The following RANBP2 variants were observed in gnomAD, a reference collection of about 807,000 sequenced individuals.
RANBP2 encodes RAN binding protein 2.
Under a neutral mutation model 303.6 loss-of-function variants are expected in RANBP2, and 57 were observed. The ratio of observed to expected loss-of-function variants is 0.19; its 90% CI spans 0.15 to 0.23. The LOEUF (loss-of-function observed/expected upper bound fraction) is 0.23, where lower values mean the gene tolerates loss of function less well. Ranked by LOEUF, RANBP2 falls within the 10% of genes least tolerant of loss-of-function variation. The probability of loss-of-function intolerance (pLI) is 1.00; values close to 1 mark genes in which losing one functional copy is unlikely to be tolerated. For synonymous variants in RANBP2, 1,167 were observed against 1,301.5 expected (o/e 0.90, Z 2.23); for missense variants, 3,138 against 3,780.8 (o/e 0.83, Z 4.46).
chr2:109,320,253 G>C, the RANBP2 span, among the ~76,000 whole-genome samples: 4 of 152,194 alleles, frequency 2.6e-5, no homozygotes, highest in African/African-American at 9.6e-5. Flanking sequence ...GGGCAGAGGA[G>C]GGCGGTGGGA....
chr2:109,689,720 C>T, the RANBP2 span, among the ~76,000 whole-genome samples: 1 of 152,140 alleles, frequency 6.6e-6, no homozygotes, highest in Non-Finnish European at 1.5e-5. Context: ...CTCATCTCTG[C>T]TCAATTTCTA....
At chr2:109,238,227 T>G in the RANBP2 span, among the ~76,000 whole-genome samples, 1 of 151,980 alleles carries the variant, frequency 6.6e-6, no homozygotes, top group African/African-American at 2.4e-5. Context: ...ATAAAATGGT[T>G]TTTATGAAGA....
At chr2:108,927,608 C>T in the RANBP2 span, among the ~76,000 whole-genome samples, 14 of 152,138 alleles carry the variant, frequency 9.2e-5, no homozygotes, top group Non-Finnish European at 1.6e-4. Flanking sequence ...GGTGCACCCA[C>T]CCTCTCCCTG....
chr2:109,254,707 T>C, the RANBP2 span, among the ~76,000 whole-genome samples: 1 of 152,172 alleles, frequency 6.6e-6, no homozygotes, highest in Non-Finnish European at 1.5e-5. Context: ...GGTTGTCTCT[T>C]TCTGTGCCAG....
chr2:109,290,651 CCT>C, the RANBP2 span, among the ~76,000 whole-genome samples: 1 of 152,210 alleles, frequency 6.6e-6, no homozygotes, highest in African/African-American at 2.4e-5. Context: ...GCCCTCCCTC[CCT>C]GTTGTATCCA....
At chr2:109,288,000 A>G in the RANBP2 span, among the ~76,000 whole-genome samples, 8 of 151,302 alleles carry the variant, frequency 5.3e-5, no homozygotes, top group Non-Finnish European at 1.0e-4. Flanking sequence ...GAGCCCTGGC[A>G]TGGGCCATCC....
At chr2:109,355,890 C>G in the RANBP2 span, among the ~76,000 whole-genome samples, 4 of 152,286 alleles carry the variant, frequency 2.6e-5, no homozygotes, top group South Asian at 8.3e-4. Context: ...AGCAATGGCT[C>G]CAGGTTTTTG....
chr2:109,692,822 T>TTC, the RANBP2 span, among the ~76,000 whole-genome samples: 2 of 130,418 alleles, frequency 1.5e-5, no homozygotes, highest in Non-Finnish European at 3.1e-5. Context: ...CTTTCTTTCT[T>TTC]TTTTTTTTTT....
At chr2:109,591,124 T>C in the RANBP2 span, among the ~76,000 whole-genome samples, 5 of 152,250 alleles carry the variant, frequency 3.3e-5, no homozygotes, top group Non-Finnish European at 7.3e-5. Context: ...TTTTTAGTCA[T>C]GTAAGCATGT....
chr2:109,430,664 G>C, the RANBP2 span, among the ~76,000 whole-genome samples: 1 of 152,148 alleles, frequency 6.6e-6, no homozygotes, highest in Non-Finnish European at 1.5e-5. Context: ...TTTTCCCTTA[G>C]TGGTATTTCC....
At chr2:108,921,104 C>A in the RANBP2 span, among the ~76,000 whole-genome samples, 1 of 152,212 alleles carries the variant, frequency 6.6e-6, no homozygotes, top group Non-Finnish European at 1.5e-5. Flanking sequence ...GAATCACCCC[C>A]CTGAAACCCT....
intron 9 of RANBP2, among the ~76,000 whole-genome samples, 168 bp downstream of exon 9, chr2:108,749,297 G>T (rs550559039): frequency 2.0e-4 from 31 of 152,088 alleles, no homozygotes; most frequent in Admixed American, 6.6e-4. Flanking sequence ...TGTATTTTTT[G>T]TTGTTGTTGT....
At chr2:109,404,329 G>A in the RANBP2 span, among the ~76,000 whole-genome samples, 1 of 152,228 alleles carries the variant, frequency 6.6e-6, no homozygotes, top group Non-Finnish European at 1.5e-5. Flanking sequence ...AGAGCTGGGA[G>A]CTGTGTAAGG....
the RANBP2 span, among the ~76,000 whole-genome samples, chr2:109,076,302 A>C: frequency 2.0e-5 from 3 of 150,806 alleles, 1 homozygote; most frequent in Non-Finnish European, 3.0e-5. Flanking sequence ...TCCAATAAAG[A>C]CCAATTAGGA....
chr2:109,117,909 CT>C, the RANBP2 span, among the ~76,000 whole-genome samples: 1 of 152,210 alleles, frequency 6.6e-6, no homozygotes, highest in Non-Finnish European at 1.5e-5. Context: ...TGGGTGTGCT[CT>C]TGTAACTGCC....
chr2:109,645,092 T>A, the RANBP2 span, among the ~76,000 whole-genome samples: 1 of 152,214 alleles, frequency 6.6e-6, no homozygotes, highest in Non-Finnish European at 1.5e-5. Flanking sequence ...TCTGTGTGCA[T>A]GGCAGCAAGG....
At chr2:108,942,775 T>C in the RANBP2 span, among the ~76,000 whole-genome samples, 6 of 152,244 alleles carry the variant, frequency 3.9e-5, no homozygotes, top group African/African-American at 7.2e-5. Context: ...CGAAGGTTCG[T>C]GCCCTGAGAA....
chr2:109,551,104 G>A, the RANBP2 span, among the ~76,000 whole-genome samples: 2 of 152,122 alleles, frequency 1.3e-5, no homozygotes, highest in Non-Finnish European at 2.9e-5. Context: ...TGTCAATAAA[G>A]GAATAGGGAA....
chr2:109,740,604 A>T, the RANBP2 span, among the ~76,000 whole-genome samples: 1 of 152,234 alleles, frequency 6.6e-6, no homozygotes, highest in Non-Finnish European at 1.5e-5. Context: ...AAAAGAATAG[A>T]AAAAGTAGAA....
Sources: gnomAD v4.1 joint callset for allele counts (sites outside exome capture counted in the v4.1 genomes callset) on GRCh38, gnomAD v4.1.1 for gene constraint, MANE v1.5 for transcripts, NCBI Gene and HGNC (gene_info 2026-07-23, HGNC 2026-07-21) for gene names.